The following SLC24A2 variants were observed in gnomAD, a reference collection of about 807,000 sequenced individuals.
SLC24A2 encodes solute carrier family 24 member 2.
In SLC24A2, 36 loss-of-function variants were observed where a neutral mutation model predicts 62.0. That is an observed-to-expected ratio of 0.58 (90% confidence interval 0.44 to 0.77). The LOEUF (loss-of-function observed/expected upper bound fraction) is 0.77. SLC24A2 is among the 30% of genes least tolerant of loss of function. The pLI is 0.00. For synonymous variants in SLC24A2, 358 were observed against 294.0 expected, an observed-to-expected ratio of 1.22 and a Z score of -2.23; for missense variants, 846 against 817.9, an observed-to-expected ratio of 1.03 and a Z score of -0.42.
At chr9:19,796,420 C>T in the SLC24A2 span, among the ~76,000 whole-genome samples, 24 of 152,328 alleles carry the variant, frequency 1.6e-4, no homozygotes, top group Non-Finnish European at 2.9e-4. Flanking sequence ...AGTTTTACAT[C>T]TCCCACATGG....
At chr9:20,097,720 A>ATTTTTTTTTT in the SLC24A2 span, among the ~76,000 whole-genome samples, 61 of 69,104 alleles carry the variant, frequency 8.8e-4, 4 homozygotes, top group East Asian at 7.2e-3. Context: ...ATCTTAAATA[A>ATTTTTTTTTT]TTTTTTTTTT....
chr9:20,274,063 C>A, the SLC24A2 span, among the ~76,000 whole-genome samples: 2 of 152,174 alleles, frequency 1.3e-5, no homozygotes, highest in South Asian at 2.1e-4. Context: ...CATTCAATCA[C>A]CAGATGTGTG....
At chr9:20,198,076 ATGT>A in the SLC24A2 span, among the ~76,000 whole-genome samples, 1 of 152,132 alleles carries the variant, frequency 6.6e-6, no homozygotes, top group Non-Finnish European at 1.5e-5. Flanking sequence ...TCATTTCCAG[ATGT>A]TGTAGCCCCA....
At chr9:20,158,141 G>C in the SLC24A2 span, among the ~76,000 whole-genome samples, 2 of 151,524 alleles carry the variant, frequency 1.3e-5, no homozygotes, top group East Asian at 3.9e-4. Context: ...GAAAGAAACA[G>C]GAAGAAATGC....
At chr9:19,564,863 G>A (rs141380450) in intron 7 of SLC24A2, among the ~76,000 whole-genome samples, 1 of 152,272 alleles carries the variant, frequency 6.6e-6, no homozygotes, top group East Asian at 1.9e-4. Context: ...CAGCAGCAGG[G>A]ATTATGATGC....
At chr9:19,874,559 A>G in the SLC24A2 span, among the ~76,000 whole-genome samples, 1 of 152,232 alleles carries the variant, frequency 6.6e-6, no homozygotes, top group Non-Finnish European at 1.5e-5. Context: ...GCAAATATGC[A>G]TGCCTTTGAC....
intron 2 of SLC24A2, among the ~76,000 whole-genome samples, chr9:19,694,633 CAT>C (rs921764840): frequency 6.6e-6 from 1 of 152,100 alleles, no homozygotes; most frequent in African/African-American, 2.4e-5. Flanking sequence ...GTCAATTGCA[CAT>C]ATTTTAAAAT....
the SLC24A2 span, among the ~76,000 whole-genome samples, chr9:20,112,789 T>C: frequency 6.6e-6 from 1 of 152,060 alleles, no homozygotes; most frequent in South Asian, 2.1e-4. Context: ...TGTGTCAATC[T>C]TGAACAGCCC....
rs527393634 is a variant in SLC24A2 at position 19,632,550 on chromosome 9, C to A, written c.931-10251G>T. Among the ~76,000 whole-genome samples the A allele has an allele frequency of 1.3e-5, 2 of 152,190 alleles. No homozygotes were observed. Among genetic ancestry groups the A allele is most frequent in the Non-Finnish European group, 2.9e-5 (2 of 68,028 alleles). On this transcript the variant is annotated intron_variant, in intron 2 of 10. Transcript: ENST00000341998. The surrounding 1 kb of genome is among the most constrained non-coding windows in gnomAD (Gnocchi z 4.5). ...ATATGAAATCCTTGCTGACCTTTAT[C>A]GAGCACTAACTACAGTTGAAATACT...
At chr9:19,873,283 TCTTTC>T in the SLC24A2 span, among the ~76,000 whole-genome samples, 2 of 151,890 alleles carry the variant, frequency 1.3e-5, no homozygotes, top group Non-Finnish European at 2.9e-5. Context: ...TCTCTTTCTT[TCTTTC>T]TTCTTTTCTT....
chr9:19,737,547 C>T lies in SLC24A2; in HGVS notation c.930+48390G>A, dbSNP rs546831775. 6.6e-5 allele frequency among the ~76,000 whole-genome samples: 10 copies of T among 152,004 alleles called. No individual in the cohort carries two copies. The South Asian group carries it at 2.1e-3, about 32-fold the overall frequency. ...ATAAGATATCCATATAATCGGTACA[C>T]TACTAACAGTAATGATTTAAAAGGT... is the stretch of plus-strand genomic sequence containing the variant. On this transcript the variant is annotated intron_variant, in intron 2 of 10. Transcript: ENST00000341998.
At chr9:19,959,161 T>C in the SLC24A2 span, among the ~76,000 whole-genome samples, 10 of 152,006 alleles carry the variant, frequency 6.6e-5, no homozygotes, top group African/African-American at 9.7e-5. Flanking sequence ...TGGCAGAACA[T>C]AGGAGAAGAA....
At chr9:19,537,029 G>C (rs1834012323) in intron 8 of SLC24A2, among the ~76,000 whole-genome samples, 1 of 147,748 alleles carries the variant, frequency 6.8e-6, no homozygotes, top group Non-Finnish European at 1.5e-5. Flanking sequence ...CATGTCCTTT[G>C]CCCACTTTTT....
the SLC24A2 span, among the ~76,000 whole-genome samples, chr9:19,942,570 G>A: frequency 3.9e-5 from 6 of 152,284 alleles, no homozygotes; most frequent in African/African-American, 9.6e-5. Flanking sequence ...GAAAAAGACA[G>A]CTTAACATGG....
the SLC24A2 span, among the ~76,000 whole-genome samples, chr9:20,038,541 G>A: frequency 6.7e-6 from 1 of 149,954 alleles, no homozygotes; most frequent in Non-Finnish European, 1.5e-5. Flanking sequence ...AATGCTGAGT[G>A]TGAGGCACTT....
chr9:20,094,535 C>CA, the SLC24A2 span, among the ~76,000 whole-genome samples: 1 of 152,048 alleles, frequency 6.6e-6, no homozygotes, highest in South Asian at 2.1e-4. Context: ...ATGAAGTTTG[C>CA]AACAATATTA....
At chr9:20,120,522 G>A in the SLC24A2 span, among the ~76,000 whole-genome samples, 1 of 152,096 alleles carries the variant, frequency 6.6e-6, no homozygotes, top group African/African-American at 2.4e-5. Flanking sequence ...ACACAAAGAA[G>A]GGAAAAATAG....
At chr9:19,572,000 T>G (rs1835849833) in intron 7 of SLC24A2, among the ~76,000 whole-genome samples, 1 of 152,100 alleles carries the variant, frequency 6.6e-6, no homozygotes, top group Non-Finnish European at 1.5e-5. Context: ...CCGGGCGCAG[T>G]GGCTCACGCC....
chr9:19,562,833 G>A (rs1370467371), intron 7 of SLC24A2, among the ~76,000 whole-genome samples: 1 of 152,180 alleles, frequency 6.6e-6, no homozygotes. Context: ...GCTGGATTAT[G>A]GTGGCTCACA....
Sources: gnomAD v4.1 joint callset for allele counts (sites outside exome capture counted in the v4.1 genomes callset) on GRCh38, gnomAD v4.1.1 for gene constraint, Gnocchi (gnomAD v3.1) non-coding constraint, MANE v1.5 for transcripts, NCBI Gene and HGNC (gene_info 2026-07-23, HGNC 2026-07-21) for gene names.